The following NEGR1 variants were observed in gnomAD, a reference collection of about 807,000 sequenced individuals.
NEGR1 encodes the protein neuronal growth regulator 1.
In NEGR1, 10 loss-of-function variants were observed where a neutral mutation model predicts 40.9. The observed-to-expected ratio is 0.24, with a 90% confidence interval of 0.15 to 0.42. NEGR1 has a LOEUF of 0.42. NEGR1 is among the 10% of genes least tolerant of loss of function. The pLI, the probability that NEGR1 is intolerant of heterozygous loss-of-function variation, is 1.00. For missense variants in NEGR1, 352 were observed against 438.9 expected, an observed-to-expected ratio of 0.80 and a Z score of 1.77; for synonymous variants, 185 against 166.8, an observed-to-expected ratio of 1.11 and a Z score of -0.84.
intron 6 of NEGR1, among the ~76,000 whole-genome samples, chr1:71,444,192 A>G (rs1482668754): frequency 6.6e-6 from 1 of 152,152 alleles, no homozygotes; most frequent in Non-Finnish European, 1.5e-5. Flanking sequence ...TTGAACTTTT[A>G]CATGTTTTGA....
intron 1 of NEGR1, chr1:72,100,907 C>G (rs1648910699): frequency 6.6e-6 from 1 of 152,204 alleles, no homozygotes; most frequent in Non-Finnish European, 1.5e-5. Flanking sequence ...AGATGGCTGC[C>G]TTCTCTCTGT....
Position 71,396,231 on chromosome 1 carries a change from A to G in NEGR1, c.*11215T>C, listed in dbSNP as rs1489851104. 6.6e-6 allele frequency: 1 copy of G among 152,208 alleles called. No homozygotes were observed. The highest frequency in any genetic ancestry group is 2.4e-5 in the African/African-American group (1 of 41,452). The allele number at this position is 152,208 out of a possible 1,614,324, so 9.4% of individuals were successfully genotyped here. ...TAAAGTGAAATCAGCTTCCCAAAGA[A>G]AGGATTAGAGAAATGGGTGCCTTTT... On this transcript the variant is annotated 3_prime_UTR_variant, in exon 7 of 7. Transcript: ENST00000357731.
chr1:72,199,170 G>GAGAC (rs1553149919), intron 1 of NEGR1, among the ~76,000 whole-genome samples: 3 of 151,294 alleles, frequency 2.0e-5, no homozygotes, highest in African/African-American at 7.3e-5. Context: ...GAGAGAGAGA[G>GAGAC]AGAGAGAGAG....
At chr1:71,409,929 G>T (rs1472078451) in intron 6 of NEGR1, among the ~76,000 whole-genome samples, 2 of 151,874 alleles carry the variant, frequency 1.3e-5, no homozygotes, top group Non-Finnish European at 2.9e-5. Flanking sequence ...ATTGAACTAG[G>T]TACCAAGCAC....
At chr1:71,648,607 C>G (rs1651609805) in intron 4 of NEGR1, among the ~76,000 whole-genome samples, 1 of 152,026 alleles carries the variant, frequency 6.6e-6, no homozygotes, top group African/African-American at 2.4e-5. Context: ...AGGCAAAGCA[C>G]TTAACTGCTC....
intron 1 of NEGR1, among the ~76,000 whole-genome samples, chr1:71,968,457 G>T (rs555189158): frequency 6.6e-6 from 1 of 152,064 alleles, no homozygotes; most frequent in African/African-American, 2.4e-5. Flanking sequence ...TTGCATACTG[G>T]TTCTAGAAAC....
intron 1 of NEGR1, among the ~76,000 whole-genome samples, chr1:72,217,887 A>C (rs1006066122): frequency 5.9e-5 from 9 of 151,860 alleles, no homozygotes; most frequent in Non-Finnish European, 8.8e-5. Context: ...CTCTTAGGCC[A>C]GTTTAGTCTT....
At chr1:71,611,727 T>C (rs537397250) in intron 4 of NEGR1, among the ~76,000 whole-genome samples, 9 of 152,288 alleles carry the variant, frequency 5.9e-5, no homozygotes, top group Non-Finnish European at 8.8e-5. Flanking sequence ...CTCCTCCCTA[T>C]GCTTTAGTAA....
chr1:71,592,324 A>G (rs947524220), intron 6 of NEGR1, among the ~76,000 whole-genome samples: 1 of 152,122 alleles, frequency 6.6e-6, no homozygotes, highest in African/African-American at 2.4e-5. Flanking sequence ...GAGTAAAAAT[A>G]TTATCTATAT....
At chr1:72,021,389 G>A (rs933779182) in intron 1 of NEGR1, among the ~76,000 whole-genome samples, 6 of 152,018 alleles carry the variant, frequency 3.9e-5, no homozygotes, top group Non-Finnish European at 7.4e-5. Context: ...AAATGCAAAG[G>A]ATGTAAAATG....
intron 1 of NEGR1, among the ~76,000 whole-genome samples, chr1:71,997,960 C>T (rs1189194381): frequency 5.3e-5 from 8 of 151,920 alleles, no homozygotes; most frequent in Admixed American, 5.2e-4. Context: ...CATTTTTAGG[C>T]TTTGCATTAA....
At chr1:71,688,384 G>GATATAAAAAAGATATATATGAT (rs71070894) in intron 4 of NEGR1, among the ~76,000 whole-genome samples, 15,586 of 31,202 alleles carry the variant, frequency 0.5, 4,371 homozygotes, top group East Asian at 0.61. Context: ...ATACATAAAA[G>GATATAAAAAAGATATATATGAT]ATATATAAAA....
At chr1:71,710,711 A>G (rs1225953969) in intron 3 of NEGR1, among the ~76,000 whole-genome samples, 1 of 152,144 alleles carries the variant, frequency 6.6e-6, no homozygotes, top group East Asian at 1.9e-4. Context: ...GTGGTCATAA[A>G]GAGTAGAAGG....
chr1:71,965,103 A>C (rs1218740759), intron 1 of NEGR1, among the ~76,000 whole-genome samples: 4 of 152,164 alleles, frequency 2.6e-5, no homozygotes, highest in Non-Finnish European at 5.9e-5. Context: ...TCTTTGATAA[A>C]ATAATCGAGG....
chr1:71,783,756 C>T (rs1362389071), intron 2 of NEGR1, among the ~76,000 whole-genome samples: 2 of 152,046 alleles, frequency 1.3e-5, no homozygotes, highest in African/African-American at 2.4e-5. Context: ...ACGAGTTTTT[C>T]TCAATCTATT....
chr1:71,407,744 C>T (rs1646287596), intron 6 of NEGR1, 174 bp from the exon 7 acceptor site: 1 of 551,342 alleles, frequency 1.8e-6, no homozygotes, highest in South Asian at 2.6e-5. Context: ...TGGCTAACTT[C>T]TCAGAGCTTC....
intron 4 of NEGR1, among the ~76,000 whole-genome samples, chr1:71,665,804 A>G (rs1386414775): frequency 3.3e-4 from 50 of 152,190 alleles, no homozygotes; most frequent in Admixed American, 3.3e-3. Context: ...TAATTAAATT[A>G]TATCTTATAG....
chr1:72,237,688 A>G (rs1242146765), intron 1 of NEGR1, among the ~76,000 whole-genome samples: 1 of 152,032 alleles, frequency 6.6e-6, no homozygotes, highest in Non-Finnish European at 1.5e-5. Context: ...CCAATAACTA[A>G]AAGTTGGATA....
At chr1:71,800,006 C>G (rs1233093900) in intron 2 of NEGR1, among the ~76,000 whole-genome samples, 1 of 152,122 alleles carries the variant, frequency 6.6e-6, no homozygotes, top group Non-Finnish European at 1.5e-5. Context: ...GCCACTGCAC[C>G]CGGCTGTTTC....
Sources: gnomAD v4.1 joint callset for allele counts (sites outside exome capture counted in the v4.1 genomes callset) on GRCh38, gnomAD v4.1.1 for gene constraint, MANE v1.5 for transcripts, NCBI Gene and HGNC (gene_info 2026-07-23, HGNC 2026-07-21) for gene names.